The following CDH18 variants were observed in gnomAD, a reference collection of about 807,000 sequenced individuals.
CDH18 encodes the protein cadherin 18.
A neutral mutation model predicts 67.9 loss-of-function variants in CDH18; 31 were observed. That is an observed-to-expected ratio of 0.46 (90% confidence interval 0.34 to 0.62). The LOEUF (loss-of-function observed/expected upper bound fraction) is 0.62, where lower values mean the gene tolerates loss of function less well. Ranked by LOEUF, CDH18 falls within the 20% of genes least tolerant of loss-of-function variation. CDH18 has a pLI of 0.01. For missense variants in CDH18, 890 were observed against 975.5 expected (o/e 0.91, Z 1.17); for synonymous variants, 362 against 347.2 (o/e 1.04, Z -0.48).
At chr5:19,695,077 T>G (rs1213282902) in intron 5 of CDH18, among the ~76,000 whole-genome samples, 1 of 152,128 alleles carries the variant, frequency 6.6e-6, no homozygotes, top group Non-Finnish European at 1.5e-5. Context: ...TGATTGCCTG[T>G]GGGATCACAC....
chr5:20,020,539 C>T (rs1327761604), intron 2 of CDH18, among the ~76,000 whole-genome samples: 1 of 152,140 alleles, frequency 6.6e-6, no homozygotes, highest in African/African-American at 2.4e-5. Context: ...ATCCCAGCTG[C>T]TCCAGCTCCA....
chr5:19,640,879 C>G (rs1277436911), intron 5 of CDH18, among the ~76,000 whole-genome samples: 1 of 151,452 alleles, frequency 6.6e-6, no homozygotes, highest in Non-Finnish European at 1.5e-5. Flanking sequence ...AAAAAATAGA[C>G]CAAATCATCA....
rs748939624 is a variant in CDH18 at position 19,503,070 on chromosome 5, C to T, written c.1552G>A (p.Ala518Thr). Reference protein sequence around the residue: ...TISATDKDDFANGPRFNFFLD... With the variant: ...TISATDKDDFTNGPRFNFFLD... The stretch of plus-strand genomic sequence containing the variant: ...AAGAAGTTAAACCTTGGTCCATTGG[C>T]AAAATCATCTTTATCAGTGGCACTG... Residue 518 changes from alanine (A) to threonine (T), a missense_variant, in exon 11 of 13, where the codon GCC becomes ACC. Physicochemically the swap from Ala to Thr is moderately conservative, Grantham distance 58 (BLOSUM62 0). This residue lies in a region of CDH18 where 656 missense variants were observed against 668.1 expected (regional missense o/e 0.98). Transcript: ENST00000382275. 1.2e-6 allele frequency: 2 copies of T among 1,610,708 alleles called. No individual in the cohort carries two copies. Among genetic ancestry groups the T allele is most frequent in the African/African-American group, 2.7e-5 (2 of 74,794 alleles).
At chr5:20,519,960 TTTTTTTTTTTTTTTTTTTTTTG>T (rs1755638159) in intron 1 of CDH18, among the ~76,000 whole-genome samples, 1 of 70,144 alleles carries the variant, frequency 1.4e-5, no homozygotes, top group African/African-American at 6.0e-5. Context: ...TTTTTTTTTT[TTTTTTTTTTTTTTTTTTTTTTG>T]TATTTTTGGT....
At chr5:19,794,972 G>A (rs1419886390) in intron 3 of CDH18, among the ~76,000 whole-genome samples, 2 of 151,998 alleles carry the variant, frequency 1.3e-5, no homozygotes, top group East Asian at 1.9e-4. Flanking sequence ...CAGCAGCAGG[G>A]TATCTTGTAT....
chr5:20,023,345 T>G (rs944673785), intron 2 of CDH18, among the ~76,000 whole-genome samples: 3 of 152,028 alleles, frequency 2.0e-5, no homozygotes, highest in Non-Finnish European at 4.4e-5. Context: ...CATATAATTG[T>G]TTATATTGTT....
intron 1 of CDH18, among the ~76,000 whole-genome samples, chr5:20,351,913 TAAA>T (rs1229317786): frequency 6.6e-6 from 1 of 152,168 alleles, no homozygotes. Flanking sequence ...CAAACTTTCT[TAAA>T]GAAGCTAAAC....
At chr5:20,306,461 T>G (rs1736467437) in intron 1 of CDH18, among the ~76,000 whole-genome samples, 1 of 152,178 alleles carries the variant, frequency 6.6e-6, no homozygotes, top group African/African-American at 2.4e-5. Flanking sequence ...GTCTCCGTAA[T>G]CTACCATCCT....
chr5:19,955,590 G>A (rs1027580534), intron 2 of CDH18, among the ~76,000 whole-genome samples: 1 of 151,958 alleles, frequency 6.6e-6, no homozygotes, highest in Admixed American at 6.6e-5. Context: ...CTATAATAGA[G>A]TGCCCAGGCA....
At chr5:20,036,623 TCAGAAAACAAA>T (rs1038769057) in intron 2 of CDH18, among the ~76,000 whole-genome samples, 16 of 151,996 alleles carry the variant, frequency 1.1e-4, no homozygotes, top group African/African-American at 3.9e-4. Context: ...GGTAGGTGGC[TCAGAAAACAAA>T]CAGAAAATAA....
At chr5:19,990,128 A>G (rs1238921868), upstream of CDH18, among the ~76,000 whole-genome samples, 1 of 152,200 alleles carries the variant, frequency 6.6e-6, no homozygotes, top group East Asian at 1.9e-4. Context: ...CAATCTTTCT[A>G]TGTTGATGAA....
intron 1 of CDH18, among the ~76,000 whole-genome samples, chr5:20,465,185 G>A (rs1235407310): frequency 6.6e-6 from 1 of 151,850 alleles, no homozygotes; most frequent in African/African-American, 2.4e-5. Context: ...AGATGGTGAA[G>A]CTAGGTTTCA....
chr5:20,160,032 A>C (rs1267699610), intron 2 of CDH18, among the ~76,000 whole-genome samples: 6 of 152,202 alleles, frequency 3.9e-5, no homozygotes, highest in Non-Finnish European at 7.3e-5. Context: ...TGAATGAGAC[A>C]ATAATAGAAA....
intron 1 of CDH18, among the ~76,000 whole-genome samples, chr5:20,368,552 AGAGT>A (rs1742707536): frequency 6.6e-6 from 1 of 152,172 alleles, no homozygotes; most frequent in South Asian, 2.1e-4. Flanking sequence ...TTTTTTGAGG[AGAGT>A]GAATTTATTT....
intron 3 of CDH18, among the ~76,000 whole-genome samples, chr5:19,830,176 A>C (rs1780857445): frequency 6.6e-6 from 1 of 152,090 alleles, no homozygotes. Flanking sequence ...CAACTAAACA[A>C]AAAATGACAA....
chr5:19,681,444 T>G (rs891531746), intron 5 of CDH18, among the ~76,000 whole-genome samples: 2 of 152,016 alleles, frequency 1.3e-5, no homozygotes, highest in Non-Finnish European at 2.9e-5. Context: ...ACAGATGCAG[T>G]CCTCTTTATT....
At chr5:20,172,244 A>ATATATATATATATGTG (rs1561848904) in intron 2 of CDH18, among the ~76,000 whole-genome samples, 6 of 135,526 alleles carry the variant, frequency 4.4e-5, no homozygotes, top group Non-Finnish European at 9.4e-5. Context: ...ATATATGTAT[A>ATATATATATATATGTG]TATATATATA....
intron 1 of CDH18, among the ~76,000 whole-genome samples, chr5:20,464,577 G>A (rs184214752): frequency 9.2e-5 from 14 of 152,272 alleles, no homozygotes; most frequent in African/African-American, 3.4e-4. Context: ...TGGGAACTCA[G>A]TCATTTACAG....
chr5:19,511,950 C>T (rs373082341), intron 10 of CDH18, among the ~76,000 whole-genome samples: 4 of 152,124 alleles, frequency 2.6e-5, no homozygotes, highest in African/African-American at 7.2e-5. Flanking sequence ...GAGGTGTCCT[C>T]GGCAGCCCCT....
Sources: allele counts gnomAD v4.1 joint callset (sites outside exome capture counted in the v4.1 genomes callset), GRCh38; gene constraint gnomAD v4.1.1; regional missense constraint gnomAD v4.1.1; transcripts MANE v1.5; gene names NCBI Gene and HGNC (gene_info 2026-07-23, HGNC 2026-07-21).